C1QBP: variants seen among roughly 807,000 people sequenced by gnomAD.
C1QBP encodes the protein complement C1q binding protein.
A neutral mutation model predicts 29.4 loss-of-function variants in C1QBP; 24 were observed. The ratio of observed to expected loss-of-function variants is 0.82; its 90% CI spans 0.59 to 1.15. The LOEUF (loss-of-function observed/expected upper bound fraction) is 1.15, where lower values mean the gene tolerates loss of function less well. C1QBP is among the 50% of genes most tolerant of loss of function. The pLI is 0.00. For synonymous variants in C1QBP, 182 were observed against 149.2 expected (o/e 1.22, Z -1.60); for missense variants, 337 against 355.8 (o/e 0.95, Z 0.43).
At position 5,434,981 on chromosome 17, in the gene C1QBP, G is replaced by GAAAACAGACAAGGC. The variant is rs57107824; in HGVS notation, c.384-29_384-16dup. 8.2e-4 allele frequency: 1,312 copies of GAAAACAGACAAGGC among 1,593,698 alleles called. 2 individuals are homozygous for GAAAACAGACAAGGC. The highest frequency in any genetic ancestry group is 1.0e-3 in the Non-Finnish European group (1,196 of 1,162,024). ...TGACCGTGATTCTAAAACGGCAAGG[G>GAAAACAGACAAGGC]AAAACAGACAAGGCAAAACAGACAA... On this transcript the variant is annotated splice_polypyrimidine_tract_variant and intron_variant, in intron 2 of 5. Coordinates refer to ENST00000225698, the MANE Select transcript of C1QBP (RefSeq NM_001212.4).
chr17:5,433,284 A>G lies in C1QBP; in HGVS notation c.699+9T>C. The G allele has an allele frequency of 6.2e-7, 1 of 1,614,120 alleles. No homozygotes were observed. The highest frequency in any genetic ancestry group is 8.5e-7 in the Non-Finnish European group (1 of 1,180,016). On this transcript the variant is annotated intron_variant, in intron 5 of 5. Transcript: ENST00000225698. ...CCCAAAAGGTTCCCCCACCTTATCAAGCACTCACCCAGTCCAAGGAATCTG... is the reference window on the plus strand; with the variant it reads ...CCCAAAAGGTTCCCCCACCTTATCAGGCACTCACCCAGTCCAAGGAATCTG...
chr17:5,438,589 G>C (rs1157195855), intron 1 of C1QBP: 1 of 801,068 alleles, frequency 1.2e-6, no homozygotes, highest in Non-Finnish European at 1.9e-6. Flanking sequence ...CCTTCCCAAA[G>C]GTCCACTTTC....
At chr17:5,435,541 C>A (rs935669075) in intron 2 of C1QBP, among the ~76,000 whole-genome samples, 3 of 152,012 alleles carry the variant, frequency 2.0e-5, no homozygotes, top group Non-Finnish European at 4.4e-5. Flanking sequence ...GTAGTAGAGA[C>A]TCATCCCTTA....
intron 2 of C1QBP, among the ~76,000 whole-genome samples, chr17:5,435,796 G>A (rs150760914): frequency 0.012 from 1,794 of 148,990 alleles, 45 homozygotes; most frequent in African/African-American, 0.042. Context: ...TTGGGAGGCC[G>A]AGGTGGGCAG....
At chr17:5,436,015 C>T (rs1440918103) in intron 2 of C1QBP, among the ~76,000 whole-genome samples, 2 of 142,840 alleles carry the variant, frequency 1.4e-5, no homozygotes, top group South Asian at 2.2e-4. Flanking sequence ...CACTGCTCTC[C>T]AGCCTGGAGA....
intron 3 of C1QBP, among the ~76,000 whole-genome samples, chr17:5,434,332 T>G (rs979617554): frequency 1.1e-4 from 17 of 152,336 alleles, no homozygotes; most frequent in Admixed American, 1.3e-4. Flanking sequence ...TGATGGCTCT[T>G]GGGCAGAATG....
chr17:5,433,519 C>T (rs1916168274), intron 4 of C1QBP, 104 bp from the exon 5 acceptor site: 2 of 1,539,918 alleles, frequency 1.3e-6, no homozygotes, highest in African/African-American at 2.7e-5. Context: ...AGGTTTTAAC[C>T]CTCTTCCCTC....
intron 1 of C1QBP, chr17:5,438,620 A>G: frequency 1.0e-6 from 1 of 970,650 alleles, no homozygotes; most frequent in Middle Eastern, 3.3e-4. Context: ...GACTAAGGAA[A>G]AAGGTACCCT....
intron 3 of C1QBP, 106 bp from the exon 4 acceptor site, chr17:5,433,873 T>C: frequency 2.1e-6 from 2 of 960,570 alleles, no homozygotes; most frequent in Admixed American, 1.8e-5. Flanking sequence ...TAGGATATTA[T>C]GTAGCCATTT....
chr17:5,435,547 C>A (rs1916246265), intron 2 of C1QBP, among the ~76,000 whole-genome samples: 1 of 151,892 alleles, frequency 6.6e-6, no homozygotes, highest in African/African-American at 2.4e-5. Context: ...GAGACTCATC[C>A]CTTAGAGTAC....
Position 5,432,814 on chromosome 17 carries a change from T to C in C1QBP, c.*201A>G, listed in dbSNP as rs887855092. 4.7e-6 allele frequency: 4 copies of C among 853,318 alleles called. No homozygotes were observed. The African/African-American group carries it at 5.1e-5, about 11-fold the overall frequency. The allele number at this position is 853,318 out of a possible 1,614,324, so 52.9% of individuals were successfully genotyped here. A position where few individuals can be genotyped will look rare whatever the true frequency, so the allele number is the denominator to read the frequency against. The stretch of plus-strand genomic sequence containing the variant: ...AACCAATTTTATGTCTATCATGTTA[T>C]ACAAAAATCTAGAAATAATAGATTT... On this transcript the variant is annotated 3_prime_UTR_variant, in exon 6 of 6. Transcript: ENST00000225698.
chr17:5,435,755 C>T (rs375707630), intron 2 of C1QBP, among the ~76,000 whole-genome samples: 1 of 151,574 alleles, frequency 6.6e-6, no homozygotes, highest in Non-Finnish European at 1.5e-5. Context: ...GAAGGCTGGG[C>T]GCAGTGGCTC....
At chr17:5,433,569 A>G in intron 4 of C1QBP, 100 bp downstream of exon 4, 1 of 1,529,826 alleles carries the variant, frequency 6.5e-7, no homozygotes, top group Non-Finnish European at 9.0e-7. Flanking sequence ...GGTCTAAGCT[A>G]GAAAAGTGTT....
chr17:5,437,113 G>T (rs894767333), intron 2 of C1QBP, among the ~76,000 whole-genome samples: 2 of 152,208 alleles, frequency 1.3e-5, no homozygotes, highest in African/African-American at 4.8e-5. Context: ...TGGCTACAGG[G>T]AGGAATAATG....
chr17:5,435,025 C>A (rs371404083), intron 2 of C1QBP, 59 bp from the exon 3 acceptor site: 2 of 1,376,464 alleles, frequency 1.5e-6, no homozygotes, highest in African/African-American at 2.8e-5. Context: ...TTTAACCGAG[C>A]AGGTTAACAC....
Position 5,438,647 on chromosome 17 carries a change from C to T in C1QBP, c.232+195G>A, listed in dbSNP as rs1916337878. 8.7e-6 allele frequency: 10 copies of T among 1,153,292 alleles called. No homozygotes were observed. In the South Asian group the frequency reaches 1.4e-4, roughly 16 times the overall value. 71.4% of individuals were successfully genotyped at this position (1,153,292 alleles called of 1,614,324 possible). ...AGGTACCCTAGTATTTAATTTTATTCACCCCCTACCAAAAGAAAACGAAAC... is the reference window on the plus strand; with the variant it reads ...AGGTACCCTAGTATTTAATTTTATTTACCCCCTACCAAAAGAAAACGAAAC... On this transcript the variant is annotated intron_variant, in intron 1 of 5. Transcript: ENST00000225698.
chr17:5,436,622 A>G lies in C1QBP; in HGVS notation c.383+1501T>C, dbSNP rs1006549932. 2.6e-5 allele frequency among the ~76,000 whole-genome samples: 4 copies of G among 151,734 alleles called. 1 individual carries two copies. Among genetic ancestry groups the G allele is most frequent in the African/African-American group, 9.8e-5 (4 of 40,978 alleles). ...TTTTGTGTCAGAGGACATTACCAAG[A>G]AAGTGAAAAGGAAACCCACAAGATG... On this transcript the variant is annotated intron_variant, in intron 2 of 5. Coordinates refer to ENST00000225698, the MANE Select transcript of C1QBP (RefSeq NM_001212.4).
intron 3 of C1QBP, chr17:5,434,099 C>T (rs1916188734): frequency 6.4e-6 from 2 of 313,378 alleles, no homozygotes; most frequent in Non-Finnish European, 1.2e-5. Flanking sequence ...TTCAAGATCT[C>T]TTTCCAGCTT....
intron 2 of C1QBP, among the ~76,000 whole-genome samples, chr17:5,435,874 C>CAAAAAAA (rs200057698): frequency 9.5e-5 from 10 of 105,644 alleles, no homozygotes; most frequent in African/African-American, 3.3e-4. Flanking sequence ...CTAAAAAATA[C>CAAAAAAA]AAAAAAAAAA....
Sources: gnomAD v4.1 joint callset for allele counts (sites outside exome capture counted in the v4.1 genomes callset) on GRCh38, gnomAD v4.1.1 for gene constraint, MANE v1.5 for transcripts, NCBI Gene and HGNC (gene_info 2026-07-23, HGNC 2026-07-21) for gene names.